SLC6A13: variants seen among roughly 807,000 people sequenced by gnomAD.
The protein encoded by SLC6A13 is sodium- and chloride-dependent GABA transporter 2.
Under a neutral mutation model 72.9 loss-of-function variants are expected in SLC6A13, and 69 were observed. The observed-to-expected ratio is 0.95, with a 90% CI of 0.78 to 1.16. SLC6A13 has a LOEUF of 1.16. Among genes scored for constraint, SLC6A13 ranks in the 50% most tolerant of loss-of-function variants. The pLI, the probability that SLC6A13 is intolerant of heterozygous loss-of-function variation, is 0.00. For synonymous variants in SLC6A13, 303 were observed against 303.0 expected, an observed-to-expected ratio of 1.00 and a Z score of 0.00; for missense variants, 735 against 760.5, an observed-to-expected ratio of 0.97 and a Z score of 0.39.
At position 226,524 on chromosome 12, in the gene SLC6A13, A is replaced by T; in HGVS notation, c.936-10T>A. ...GAGGGCGATGCAGTCCCTGTGGGGC[A>T]GGGGTGAGGAGAGGGCGGAATGGCA... On this transcript the variant is annotated splice_polypyrimidine_tract_variant and intron_variant, in intron 8 of 14. Coordinates refer to ENST00000343164, the MANE Select transcript of SLC6A13 (RefSeq NM_016615.5). 1 of 1,612,912 alleles carries T rather than the reference A, an allele frequency of 6.2e-7. No homozygotes were observed. Among genetic ancestry groups the T allele is most frequent in the Non-Finnish European group, 8.5e-7 (1 of 1,179,336 alleles).
At position 223,155 on chromosome 12, in the gene SLC6A13, G is replaced by A; in HGVS notation, c.1391C>T (p.Ser464Phe). 6.2e-7 allele frequency: 1 copy of A among 1,612,974 alleles called. No homozygotes were observed. The highest frequency in any genetic ancestry group is 8.5e-7 in the Non-Finnish European group (1 of 1,178,990). The change falls in exon 12 of 15, where the codon TCC becomes TTC. Residue 464 changes from serine to phenylalanine, a missense_variant. By Grantham distance (155) the Ser-to-Phe change is radical. Coordinates refer to ENST00000343164, the MANE Select transcript of SLC6A13 (RefSeq NM_016615.5). ...MCLLFVAIFESLCVAWVYGAK... is the reference protein window; with the variant it reads ...MCLLFVAIFEFLCVAWVYGAK... ...ACCGTAAACCCAAGCCACACAGAGG[G>A]ACTCGAAGATGGCCACGAACAGGAG... is the stretch of plus-strand genomic sequence containing the variant.
chr12:225,849 C>G lies in SLC6A13; in HGVS notation c.1060+541G>C, dbSNP rs1348703245. On this transcript the variant is annotated intron_variant, in intron 9 of 14. Transcript: ENST00000343164. ...ATTTTATGGCTTATCCAGACTGGGG[C>G]CTGGGCCTTGATGTTATTTGAAAGC... 2.0e-5 allele frequency among the ~76,000 whole-genome samples: 3 copies of G among 152,206 alleles called. No individual in the cohort carries two copies. The East Asian group carries it at 5.8e-4, about 29-fold the overall frequency.
Position 224,082 on chromosome 12 carries a change from A to G in SLC6A13, c.1221T>C (p.Pro407=), listed in dbSNP as rs138250879. 1,745 of 1,614,130 alleles carry G rather than the reference A, an allele frequency of 1.1e-3. 20 individuals carry two copies. The African/African-American group carries it at 0.019, about 18-fold the overall frequency. The change falls in exon 11 of 15, where the codon CCT becomes CCC. Residue 407 remains proline, a synonymous_variant. Coordinates refer to ENST00000343164, the MANE Select transcript of SLC6A13 (RefSeq NM_016615.5). ...TCCGGTTCTTCTTGCGGAACACGTG[A>G]GGGTACATGTCCACCAGCGCTGTCA... The part of the protein sequence containing the change: ...SLVTALVDMY[P]HVFRKKNRRE...
intron 9 of SLC6A13, 116 bp downstream of exon 9, chr12:226,274 A>G (rs1941448619): frequency 2.3e-6 from 3 of 1,279,382 alleles, no homozygotes; most frequent in Non-Finnish European, 3.4e-6. Context: ...GCATCCACTG[A>G]ATGGTGGCCG....
intron 2 of SLC6A13, among the ~76,000 whole-genome samples, chr12:255,434 G>A (rs982389006): frequency 1.3e-5 from 2 of 152,146 alleles, no homozygotes; most frequent in African/African-American, 2.4e-5. Flanking sequence ...AGTGGCTCAT[G>A]CCTGTAATCC....
Position 226,520 on chromosome 12 carries a change from G to A in SLC6A13, c.936-6C>T. On this transcript the variant is annotated splice_polypyrimidine_tract_variant and splice_region_variant and intron_variant, in intron 8 of 14. Coordinates refer to ENST00000343164, the MANE Select transcript of SLC6A13 (RefSeq NM_016615.5). The stretch of plus-strand genomic sequence containing the variant: ...AGCAGAGGGCGATGCAGTCCCTGTG[G>A]GGCAGGGGTGAGGAGAGGGCGGAAT... The A allele has an allele frequency of 6.2e-7, 1 of 1,613,342 alleles. No homozygotes were observed. Among genetic ancestry groups the A allele is most frequent in the South Asian group, 1.1e-5 (1 of 91,042 alleles).
At chr12:223,000 A>G (rs1330667584) in intron 12 of SLC6A13, 132 bp downstream of exon 12, 9 of 621,706 alleles carry the variant, frequency 1.4e-5, no homozygotes, top group Non-Finnish European at 1.4e-5. Flanking sequence ...GATTTGCAAG[A>G]TTTTGGAGGT....
At chr12:221,165 A>G (rs1379847865) in intron 14 of SLC6A13, 95 bp from the exon 15 acceptor site, 24 of 1,460,008 alleles carry the variant, frequency 1.6e-5, no homozygotes, top group Admixed American at 2.3e-5. Context: ...CCCACACACA[A>G]ACCTGCCCTC....
chr12:229,943 A>G (rs1941637707), intron 7 of SLC6A13, among the ~76,000 whole-genome samples: 2 of 152,078 alleles, frequency 1.3e-5, no homozygotes, highest in South Asian at 2.1e-4. Flanking sequence ...GAGGTTAATG[A>G]GAACTAAGGA....
chr12:259,806 C>T, intron 2 of SLC6A13, 45 bp downstream of exon 2: 4 of 1,614,224 alleles, frequency 2.5e-6, no homozygotes, highest in African/African-American at 1.3e-5. Context: ...TGGAAGTATC[C>T]TCCTTCCAGG....
chr12:224,904 C>T (rs1311750205), intron 9 of SLC6A13, among the ~76,000 whole-genome samples: 1 of 152,178 alleles, frequency 6.6e-6, no homozygotes. Flanking sequence ...GGTGGCTGGG[C>T]CTGGTGGGAA....
At chr12:257,235 C>T (rs1402519344) in intron 2 of SLC6A13, 1 of 152,082 alleles carries the variant, frequency 6.6e-6, no homozygotes, top group East Asian at 1.9e-4. Context: ...CCAGGTTCCT[C>T]TACTGACCAC....
intron 9 of SLC6A13, among the ~76,000 whole-genome samples, chr12:224,781 G>A (rs936693131): frequency 5.9e-5 from 9 of 152,088 alleles, no homozygotes; most frequent in East Asian, 3.8e-4. Flanking sequence ...GGTCTAAAAC[G>A]ACTCCAGATC....
rs546363636 is a variant in SLC6A13 at position 232,071 on chromosome 12, G to A, written c.831+3019C>T. Among the ~76,000 whole-genome samples, 11 of 152,324 alleles carry A rather than the reference G, an allele frequency of 7.2e-5. No individual in the cohort carries two copies. The South Asian group carries it at 1.2e-3, about 17-fold the overall frequency. ...TGGGGATGCCTTGTTGATCTGCTGT[G>A]AGCGTTTGCTGAAATAATGCATGTA... On this transcript the variant is annotated intron_variant, in intron 7 of 14. Transcript: ENST00000343164.
intron 9 of SLC6A13, among the ~76,000 whole-genome samples, chr12:226,008 TA>T (rs1186799481): frequency 2.0e-5 from 3 of 152,228 alleles, no homozygotes; most frequent in Non-Finnish European, 4.4e-5. Context: ...GTGTGTATAA[TA>T]TGTTATCATT....
rs1292444483 is a variant in SLC6A13 at position 254,384 on chromosome 12, T to C, written c.202+5467A>G. On this transcript the variant is annotated intron_variant, in intron 2 of 14. Transcript: ENST00000343164. This position sits in a 1 kb window ranked among gnomAD's most constrained non-coding sequence, Gnocchi z 4.4. ...CAATTCCTTTCTCCCATCTCCCCCA[T>C]TATCTTAAATCCATTTCAATCAGTC... Among the ~76,000 whole-genome samples, 1 of 152,160 alleles carries C rather than the reference T, an allele frequency of 6.6e-6. No individual in the cohort carries two copies. Among genetic ancestry groups the C allele is most frequent in the Non-Finnish European group, 1.5e-5 (1 of 68,012 alleles).
Position 221,479 on chromosome 12 carries a change from C to G in SLC6A13, c.1583G>C (p.Trp528Ser). The part of the protein sequence containing the change: ...LTYNKKYTYP[W>S]WGDALGWLLA... ...GAGCCAGCCCAGGGCATCGCCCCAC[C>G]ACGGGTACGTGTACTTCTTGTTGTA... The change falls in exon 14 of 15, where the codon TGG (tryptophan) becomes TCG (serine). Residue 528 changes from tryptophan to serine, a missense_variant. Physicochemically the swap from Trp to Ser is radical, Grantham distance 177. Transcript: ENST00000343164. The G allele has an allele frequency of 6.2e-7, 1 of 1,613,798 alleles. No homozygotes were observed. The highest frequency in any genetic ancestry group is 8.5e-7 in the Non-Finnish European group (1 of 1,179,830).
At chr12:244,988 T>A (rs1317124772) in intron 2 of SLC6A13, among the ~76,000 whole-genome samples, 1 of 152,204 alleles carries the variant, frequency 6.6e-6, no homozygotes, top group African/African-American at 2.4e-5. Context: ...GTATTTTCCC[T>A]ACCATGGACC....
At chr12:229,758 C>G (rs1390024055) in intron 7 of SLC6A13, among the ~76,000 whole-genome samples, 1 of 152,172 alleles carries the variant, frequency 6.6e-6, no homozygotes, top group Admixed American at 6.5e-5. Context: ...CATGAATTAC[C>G]AAGGAAACAC....
Sources: gnomAD v4.1 joint callset for allele counts (sites outside exome capture counted in the v4.1 genomes callset) on GRCh38, gnomAD v4.1.1 for gene constraint, Gnocchi (gnomAD v3.1) non-coding constraint, MANE v1.5 for transcripts, NCBI Gene and HGNC (gene_info 2026-07-23, HGNC 2026-07-21) for gene names.